The following TTC28 variants were observed in gnomAD, a reference collection of about 807,000 sequenced individuals.
TTC28 encodes the protein tetratricopeptide repeat protein 28.
TTC28 carries 61 observed loss-of-function variants against 198.0 expected under a neutral mutation model. The observed-to-expected ratio is 0.31, with a 90% confidence interval of 0.25 to 0.38. The LOEUF (loss-of-function observed/expected upper bound fraction) is 0.38. Ranked by LOEUF, TTC28 falls within the 10% of genes least tolerant of loss-of-function variation. The probability of loss-of-function intolerance (pLI) is 1.00; values close to 1 mark genes in which losing one functional copy is unlikely to be tolerated. For missense variants in TTC28, 2,678 were observed against 3,164.0 expected (o/e 0.85, Z 3.69); for synonymous variants, 1,171 against 1,297.8 (o/e 0.90, Z 2.10).
chr22:28,133,694 G>A (rs1434787657), intron 6 of TTC28, among the ~76,000 whole-genome samples: 2 of 152,218 alleles, frequency 1.3e-5, no homozygotes, highest in Non-Finnish European at 2.9e-5. Flanking sequence ...GGCTTGAGTA[G>A]GTAAACAAAG....
chr22:28,010,270 G>T (rs1385096512), intron 14 of TTC28, among the ~76,000 whole-genome samples: 1 of 152,182 alleles, frequency 6.6e-6, no homozygotes, highest in Non-Finnish European at 1.5e-5. Flanking sequence ...GTTCTAACTT[G>T]CTTGAGGCTT....
intron 2 of TTC28, among the ~76,000 whole-genome samples, chr22:28,593,664 A>AG (rs2050481122): frequency 6.6e-6 from 1 of 151,570 alleles, no homozygotes; most frequent in Non-Finnish European, 1.5e-5. Context: ...GAAGAATAGA[A>AG]GGAAAACAGT....
At chr22:28,457,808 T>C (rs1280554210) in intron 2 of TTC28, among the ~76,000 whole-genome samples, 1 of 152,178 alleles carries the variant, frequency 6.6e-6, no homozygotes, top group East Asian at 1.9e-4. Context: ...AAATTTCAAA[T>C]TAATCATGTC....
intron 2 of TTC28, among the ~76,000 whole-genome samples, chr22:28,417,692 C>T (rs1200325669): frequency 6.6e-6 from 1 of 152,092 alleles, no homozygotes; most frequent in East Asian, 1.9e-4. Context: ...GTTACAATAC[C>T]CCAAGTCAAG....
At chr22:28,153,837 A>C (rs1466806363) in intron 6 of TTC28, among the ~76,000 whole-genome samples, 1 of 152,204 alleles carries the variant, frequency 6.6e-6, no homozygotes, top group Non-Finnish European at 1.5e-5. Context: ...TGTTTTCCAT[A>C]GATGAATTAT....
At chr22:28,585,741 G>A (rs1021541097) in intron 2 of TTC28, among the ~76,000 whole-genome samples, 1 of 152,044 alleles carries the variant, frequency 6.6e-6, no homozygotes, top group Non-Finnish European at 1.5e-5. Context: ...TTCAAACTAG[G>A]GTCTTTTTCA....
At chr22:28,441,663 C>A (rs2047623817) in intron 2 of TTC28, among the ~76,000 whole-genome samples, 1 of 152,142 alleles carries the variant, frequency 6.6e-6, no homozygotes. Flanking sequence ...ACAATATCTT[C>A]TCATGCACCT....
At chr22:28,408,397 T>C (rs1004431277) in intron 2 of TTC28, among the ~76,000 whole-genome samples, 4 of 144,696 alleles carry the variant, frequency 2.8e-5, no homozygotes, top group Non-Finnish European at 4.6e-5. Context: ...CCAACTTTCA[T>C]TTTTTTTTTT....
chr22:28,388,665 C>T (rs12165708), intron 2 of TTC28, among the ~76,000 whole-genome samples: 12,698 of 152,114 alleles, frequency 0.083, 635 homozygotes, highest in Non-Finnish European at 0.098. Flanking sequence ...TGTATAAGAA[C>T]GCTTGTGACT....
intron 12 of TTC28, among the ~76,000 whole-genome samples, chr22:28,066,118 C>G (rs898791569): frequency 1.3e-5 from 2 of 152,042 alleles, no homozygotes; most frequent in Non-Finnish European, 2.9e-5. Flanking sequence ...ACAGAGATAT[C>G]TCTATTTTTT....
intron 2 of TTC28, among the ~76,000 whole-genome samples, chr22:28,585,181 TCGGG>T (rs2050295932): frequency 6.6e-6 from 1 of 152,224 alleles, no homozygotes; most frequent in African/African-American, 2.4e-5. Context: ...GGAGATGGTT[TCGGG>T]ATGATTCAAG....
intron 2 of TTC28, among the ~76,000 whole-genome samples, chr22:28,512,190 A>G (rs1601490858): frequency 6.6e-6 from 1 of 152,346 alleles, no homozygotes; most frequent in South Asian, 2.1e-4. Context: ...AACATATGAA[A>G]AAAAGCTCAA....
rs575496666 is a variant in TTC28, at chr22:28,112,804, C to A, written c.1442-4401G>T. On this transcript the variant is annotated intron_variant, in intron 6 of 22. Transcript: ENST00000397906. ...CAGAGGGCCTGTCAGCAGGGGCGTG[C>A]TAGGTGACAACGTGCTGCAGGGAGG... Among the ~76,000 whole-genome samples, 141 of 152,180 alleles carry A rather than the reference C, an allele frequency of 9.3e-4. 1 individual carries two copies. The highest frequency in any genetic ancestry group is 3.2e-3 in the African/African-American group (134 of 41,530).
chr22:28,506,973 C>T (rs776020843), intron 2 of TTC28, among the ~76,000 whole-genome samples: 2 of 152,298 alleles, frequency 1.3e-5, no homozygotes, highest in South Asian at 4.1e-4. Flanking sequence ...CACAAAAATA[C>T]TGAAAACTCA....
intron 2 of TTC28, among the ~76,000 whole-genome samples, chr22:28,402,434 G>T (rs1037774665): frequency 1.3e-5 from 2 of 152,166 alleles, no homozygotes; most frequent in African/African-American, 4.8e-5. Context: ...CACCCCCAGA[G>T]AGTTAGTTAA....
chr22:28,538,585 A>T (rs1277680845), intron 2 of TTC28, among the ~76,000 whole-genome samples: 6 of 130,666 alleles, frequency 4.6e-5, no homozygotes, highest in African/African-American at 1.5e-4. Context: ...TTTGAGACAG[A>T]GTCTCTCTCT....
rs1408470964 is a variant in TTC28 at position 28,615,161 on chromosome 22, AAAG to A, written c.381+14388_381+14390del. ...AAAGGATATGAACAGACGCTTCTCA[AAAG>A]AAGACATTTATGCAGCCAACAGTTA... On this transcript the variant is annotated intron_variant, in intron 2 of 22. Coordinates refer to ENST00000397906, the MANE Select transcript of TTC28 (RefSeq NM_001145418.2). Among the ~76,000 whole-genome samples the A allele has an allele frequency of 7.2e-5, 11 of 152,364 alleles. No homozygotes were observed. The East Asian group carries it at 9.6e-4, about 13-fold the overall frequency.
intron 5 of TTC28, among the ~76,000 whole-genome samples, chr22:28,222,306 T>G (rs1927937692): frequency 6.6e-6 from 1 of 152,320 alleles, no homozygotes; most frequent in East Asian, 1.9e-4. Flanking sequence ...AACACCCACA[T>G]GTTTTCAAAA....
chr22:28,497,257 T>G lies in TTC28; in HGVS notation c.381+132295A>C, dbSNP rs554587441. 6.6e-5 allele frequency among the ~76,000 whole-genome samples: 10 copies of G among 152,192 alleles called. No individual in the cohort carries two copies. The South Asian group carries it at 2.1e-3, about 32-fold the overall frequency. On this transcript the variant is annotated intron_variant, in intron 2 of 22. Transcript: ENST00000397906. ...CTATATCCCTAACACAGAGTAGAAG[T>G]TCAACATACTTTTACTGAACGTATA...
Sources: allele counts gnomAD v4.1 joint callset (sites outside exome capture counted in the v4.1 genomes callset), GRCh38; gene constraint gnomAD v4.1.1; transcripts MANE v1.5; gene names NCBI Gene and HGNC (gene_info 2026-07-23, HGNC 2026-07-21).